CELF2: variants seen among roughly 807,000 people sequenced by gnomAD.
The protein encoded by CELF2 is CUG triplet repeat RNA-binding protein 2.
CELF2 carries 8 observed loss-of-function variants against 62.6 expected under a neutral mutation model. The observed-to-expected ratio is 0.13, with a 90% confidence interval of 0.07 to 0.23. The LOEUF (loss-of-function observed/expected upper bound fraction) is 0.23. Ranked by LOEUF, CELF2 falls within the 10% of genes least tolerant of loss-of-function variation. The probability of loss-of-function intolerance (pLI) is 1.00; values close to 1 mark genes in which losing one functional copy is unlikely to be tolerated. For missense variants in CELF2, 333 were observed against 671.0 expected (o/e 0.50, Z 5.56); for synonymous variants, 258 against 250.0 (o/e 1.03, Z -0.30).
rs1447509988 is a variant in CELF2, at chr10:11,117,582, A to G, written c.75-47904A>G. ...GGGTTTTTATGTCTGACTCCATAATATTTATGATAAAAACAAAAACCACGT... is the reference window on the plus strand; with the variant it reads ...GGGTTTTTATGTCTGACTCCATAATGTTTATGATAAAAACAAAAACCACGT... On this transcript the variant is annotated intron_variant, in intron 1 of 12. Transcript: ENST00000633077. This position sits in a 1 kb window ranked among gnomAD's most constrained non-coding sequence, Gnocchi z 4.1. 6.6e-6 allele frequency among the ~76,000 whole-genome samples: 1 copy of G among 152,152 alleles called. No homozygotes were observed. Among genetic ancestry groups the G allele is most frequent in the Non-Finnish European group, 1.5e-5 (1 of 68,016 alleles).
chr10:10,515,877 C>T, the CELF2 span, among the ~76,000 whole-genome samples: 38 of 152,282 alleles, frequency 2.5e-4, no homozygotes, highest in East Asian at 7.3e-3. Flanking sequence ...AGGGAAACAT[C>T]TTAATGATGG....
the CELF2 span, among the ~76,000 whole-genome samples, chr10:10,784,888 G>A: frequency 2.2e-3 from 328 of 152,298 alleles, 3 homozygotes; most frequent in African/African-American, 6.7e-3. Context: ...GGCTGATAGA[G>A]TTTGCAAACT....
chr10:10,607,308 T>TAAA, the CELF2 span, among the ~76,000 whole-genome samples: 1 of 151,178 alleles, frequency 6.6e-6, no homozygotes, highest in African/African-American at 2.4e-5. Flanking sequence ...AAGAAAATGT[T>TAAA]AAAAAAAAAT....
In CELF2 at chr10:11,296,750, A is replaced by G. The variant is rs2093228557; in HGVS notation, c.976+8198A>G. On this transcript the variant is annotated intron_variant, in intron 9 of 12. Transcript: ENST00000633077. The surrounding 1 kb of genome is among the most constrained non-coding windows in gnomAD (Gnocchi z 5.0). ...CAGGTAAGGTACAGGGGTCAGTGAC[A>G]GGAGAGATTCTGCCCCAAGGAAGTA... 6.6e-6 allele frequency among the ~76,000 whole-genome samples: 1 copy of G among 152,232 alleles called. No homozygotes were observed. Among genetic ancestry groups the G allele is most frequent in the Non-Finnish European group, 1.5e-5 (1 of 68,038 alleles).
the CELF2 span, among the ~76,000 whole-genome samples, chr10:10,561,144 T>G: frequency 5.3e-5 from 8 of 152,152 alleles, no homozygotes; most frequent in Non-Finnish European, 8.8e-5. Flanking sequence ...ATATTACTGA[T>G]ACCCCAATAA....
chr10:10,906,965 C>T (rs572107768), intron 1 of CELF2, among the ~76,000 whole-genome samples: 1 of 152,088 alleles, frequency 6.6e-6, no homozygotes, highest in Non-Finnish European at 1.5e-5. Flanking sequence ...GATCCACCCC[C>T]CTCAGCCTCC....
Position 11,258,308 on chromosome 10 carries a change from C to A in CELF2, c.538+436C>A, listed in dbSNP as rs145150031. 6.4e-4 allele frequency among the ~76,000 whole-genome samples: 98 copies of A among 152,282 alleles called. 1 individual carries two copies. The Middle Eastern group carries it at 0.014, about 21-fold the overall frequency. ...ACAGTGACACAAACTGGGAAAAAAG[C>A]GTCAATGTTCACATGTAGTGCAGAG... On this transcript the variant is annotated intron_variant, in intron 5 of 12. Transcript: ENST00000633077.
chr10:11,120,424 T>A (rs970618685), intron 1 of CELF2, among the ~76,000 whole-genome samples: 8 of 152,184 alleles, frequency 5.3e-5, no homozygotes, highest in African/African-American at 1.4e-4. Context: ...TTCACCTGTT[T>A]CTATGATTGT....
the CELF2 span, among the ~76,000 whole-genome samples, chr10:10,781,636 C>T: frequency 3.9e-5 from 6 of 152,180 alleles, no homozygotes; most frequent in Non-Finnish European, 5.9e-5. Context: ...TCCCATGACA[C>T]ATGGGGATTA....
intron 5 of CELF2, among the ~76,000 whole-genome samples, chr10:11,264,011 A>G (rs980631153): frequency 2.0e-5 from 3 of 152,208 alleles, no homozygotes; most frequent in Non-Finnish European, 4.4e-5. Context: ...ACAATGCAGA[A>G]CTTGACAGAA....
At chr10:10,766,955 G>A in the CELF2 span, among the ~76,000 whole-genome samples, 1 of 152,120 alleles carries the variant, frequency 6.6e-6, no homozygotes, top group South Asian at 2.1e-4. Context: ...ACTGCCAACG[G>A]TCCATATATA....
the CELF2 span, among the ~76,000 whole-genome samples, chr10:10,627,426 C>G: frequency 1.3e-5 from 2 of 152,200 alleles, no homozygotes; most frequent in African/African-American, 4.8e-5. Flanking sequence ...CAGTTTACAT[C>G]TGAGATCAGG....
the CELF2 span, among the ~76,000 whole-genome samples, chr10:10,583,053 A>G: frequency 6.6e-6 from 1 of 152,200 alleles, no homozygotes; most frequent in Non-Finnish European, 1.5e-5. Flanking sequence ...AGATGGAAGA[A>G]ATAGTATAGA....
At chr10:10,877,588 C>T (rs973423400) in intron 1 of CELF2, among the ~76,000 whole-genome samples, 1 of 152,200 alleles carries the variant, frequency 6.6e-6, no homozygotes, top group Non-Finnish European at 1.5e-5. Flanking sequence ...GAGCAGTTCC[C>T]CACTTGACTT....
intron 3 of CELF2, among the ~76,000 whole-genome samples, chr10:11,232,436 G>GA (rs1231745707): frequency 2.0e-5 from 3 of 152,154 alleles, no homozygotes; most frequent in Non-Finnish European, 2.9e-5. Flanking sequence ...ATCTTGGGGG[G>GA]AAAAAATAGA....
chr10:10,639,672 A>C, the CELF2 span, among the ~76,000 whole-genome samples: 74 of 152,354 alleles, frequency 4.9e-4, 1 homozygote, highest in African/African-American at 1.8e-3. Context: ...ATCAATATCT[A>C]ATAATGTCTT....
chr10:10,464,403 A>C, the CELF2 span, among the ~76,000 whole-genome samples: 1 of 139,220 alleles, frequency 7.2e-6, no homozygotes, highest in African/African-American at 2.5e-5. Context: ...AGCTAAACGC[A>C]AGTCAAACCA....
chr10:10,892,314 C>T (rs1564779052), intron 1 of CELF2, among the ~76,000 whole-genome samples: 2 of 152,142 alleles, frequency 1.3e-5, no homozygotes, highest in Non-Finnish European at 2.9e-5. Context: ...CAAGGTCACT[C>T]ACCCACCTGG....
chr10:11,068,666 T>C (rs550789026), intron 1 of CELF2, among the ~76,000 whole-genome samples: 6 of 152,192 alleles, frequency 3.9e-5, no homozygotes, highest in African/African-American at 1.4e-4. Flanking sequence ...GTTCACGCCA[T>C]TCTCCTGCCT....
Sources: gnomAD v4.1 joint callset for allele counts (sites outside exome capture counted in the v4.1 genomes callset) on GRCh38, gnomAD v4.1.1 for gene constraint, Gnocchi (gnomAD v3.1) non-coding constraint, MANE v1.5 for transcripts, NCBI Gene and HGNC (gene_info 2026-07-23, HGNC 2026-07-21) for gene names.